Variants in EXT1 observed in about 807,000 individuals in gnomAD.
EXT1 encodes the protein exostosin-1.
In EXT1, 20 loss-of-function variants were observed where a neutral mutation model predicts 82.5. The observed-to-expected ratio is 0.24, with a 90% CI of 0.17 to 0.35. The LOEUF (loss-of-function observed/expected upper bound fraction) is 0.35, where lower values mean the gene tolerates loss of function less well. Ranked by LOEUF, EXT1 falls within the 10% of genes least tolerant of loss-of-function variation. The probability of loss-of-function intolerance (pLI) is 1.00; values close to 1 mark genes in which losing one functional copy is unlikely to be tolerated. For missense variants in EXT1, 757 were observed against 936.5 expected (o/e 0.81, Z 2.50); for synonymous variants, 348 against 350.8 (o/e 0.99, Z 0.09).
At chr8:117,840,644 C>T (rs945545237) in intron 1 of EXT1, among the ~76,000 whole-genome samples, 6 of 150,308 alleles carry the variant, frequency 4.0e-5, no homozygotes, top group African/African-American at 1.5e-4. Flanking sequence ...AAAGAGAGAA[C>T]GTATTTGCCA....
chr8:117,912,790 C>T (rs767574331), intron 1 of EXT1, among the ~76,000 whole-genome samples: 2 of 152,162 alleles, frequency 1.3e-5, no homozygotes, highest in Non-Finnish European at 2.9e-5. Flanking sequence ...TTTCTTCCCA[C>T]AATTTATGAA....
At chr8:117,827,787 A>C in intron 4 of EXT1, among the ~76,000 whole-genome samples, 1 of 74,322 alleles carries the variant, frequency 1.3e-5, no homozygotes, top group Non-Finnish European at 3.2e-5. Context: ...TCTGTCTCAA[A>C]AAAAAAAAAA....
chr8:117,931,560 G>A (rs759479461), intron 1 of EXT1, among the ~76,000 whole-genome samples: 3 of 152,010 alleles, frequency 2.0e-5, no homozygotes, highest in South Asian at 2.1e-4. Flanking sequence ...ACACCTAGGC[G>A]TGGTTATTGG....
In EXT1 at chr8:117,797,186, T is replaced by C. The variant is rs1823099842; in HGVS notation, c.*2526A>G. 2 of 152,262 alleles carry C rather than the reference T, an allele frequency of 1.3e-5. No homozygotes were observed. The highest frequency in any genetic ancestry group is 6.5e-5 in the Admixed American group (1 of 15,286). The allele number at this position is 152,262 out of a possible 1,614,324, so 9.4% of individuals were successfully genotyped here. A position where few individuals can be genotyped will look rare whatever the true frequency, so the allele number is the denominator to read the frequency against. ...TAACTGAATTAAAATTACATATTAC[T>C]GTCGAGCTTCACTGATTTGTTAAGC... On this transcript the variant is annotated 3_prime_UTR_variant, in exon 11 of 11. Coordinates refer to ENST00000378204, the MANE Select transcript of EXT1 (RefSeq NM_000127.3).
chr8:117,808,033 C>T (rs952096478), intron 8 of EXT1, among the ~76,000 whole-genome samples: 1 of 152,124 alleles, frequency 6.6e-6, no homozygotes, highest in African/African-American at 2.4e-5. Context: ...ACTGAAGCCA[C>T]AGAATTATTT....
Position 118,111,464 on chromosome 8 carries a change from G to T in EXT1, c.-418C>A. The T allele has an allele frequency of 1.9e-6, 1 of 535,362 alleles. No homozygotes were observed. Among genetic ancestry groups the T allele is most frequent in the East Asian group, 3.0e-5 (1 of 33,886 alleles). 33.2% of individuals were successfully genotyped at this position (535,362 alleles called of 1,614,324 possible). On this transcript the variant is annotated 5_prime_UTR_variant, in exon 1 of 11. Transcript: ENST00000378204. ...TTCCTCTCGGCAGCGTGGAAAATGA[G>T]CCCCGGGAAGGCAACTTCAACTCAT...
intron 4 of EXT1, among the ~76,000 whole-genome samples, chr8:117,829,569 C>CTTTTTT (rs35823668): frequency 0.012 from 1,123 of 96,730 alleles, 9 homozygotes; most frequent in Non-Finnish European, 0.018. Flanking sequence ...ATATATTTTT[C>CTTTTTT]TTTTTTTTTT....
rs117513165 is a variant in EXT1 at position 117,940,875 on chromosome 8, G to A, written c.963-103674C>T. On this transcript the variant is annotated intron_variant, in intron 1 of 10. Transcript: ENST00000378204. ...CCTAGGCTGCTGGGATCTTGCAGGG[G>A]AAATGCCTGGGTAATTACCTACCCC... 1.3e-3 allele frequency among the ~76,000 whole-genome samples: 194 copies of A among 152,228 alleles called. 3 individuals carry two copies. The East Asian group carries it at 0.032, about 25-fold the overall frequency.
At position 117,794,635 on chromosome 8, in the gene EXT1, T is replaced by C. The variant is rs1192950026; in HGVS notation, c.*5077A>G. 1 of 152,090 alleles carries C rather than the reference T, an allele frequency of 6.6e-6. No homozygotes were observed. Among genetic ancestry groups the C allele is most frequent in the Non-Finnish European group, 1.5e-5 (1 of 68,032 alleles). 9.4% of individuals were successfully genotyped at this position (152,090 alleles called of 1,614,324 possible). A position where few individuals can be genotyped will look rare whatever the true frequency, so the allele number is the denominator to read the frequency against. On this transcript the variant is annotated 3_prime_UTR_variant, in exon 11 of 11. Coordinates refer to ENST00000378204, the MANE Select transcript of EXT1 (RefSeq NM_000127.3). ...AAGTTACACAGGTCAGTGAAGTAAA[T>C]CAATATCTATGGCTTTGTATTTTCT... is the stretch of plus-strand genomic sequence containing the variant.
chr8:117,953,599 G>A (rs773006107), intron 1 of EXT1, among the ~76,000 whole-genome samples: 1 of 151,970 alleles, frequency 6.6e-6, no homozygotes, highest in Admixed American at 6.6e-5. Context: ...AAATTACTGA[G>A]AGTGAATGAT....
chr8:117,914,812 T>C (rs1813716393), intron 1 of EXT1, among the ~76,000 whole-genome samples: 1 of 152,210 alleles, frequency 6.6e-6, no homozygotes, highest in South Asian at 2.1e-4. Context: ...AGACAATACG[T>C]GCACCGCTGA....
At chr8:117,918,261 A>C (rs1028867713) in intron 1 of EXT1, among the ~76,000 whole-genome samples, 5 of 152,184 alleles carry the variant, frequency 3.3e-5, no homozygotes, top group African/African-American at 2.4e-5. Context: ...AACAATAGTG[A>C]GCTTCTGCGC....
intron 1 of EXT1, among the ~76,000 whole-genome samples, chr8:118,041,911 G>A (rs1207021926): frequency 6.7e-6 from 1 of 149,480 alleles, no homozygotes; most frequent in Non-Finnish European, 1.5e-5. Flanking sequence ...TCACGCCACT[G>A]CATTCCAGCC....
intron 1 of EXT1, among the ~76,000 whole-genome samples, chr8:118,046,081 C>T (rs1816617554): frequency 6.6e-6 from 1 of 151,986 alleles, no homozygotes; most frequent in Admixed American, 6.6e-5. Context: ...CAGGCATGAG[C>T]CACCGTGCCC....
intron 1 of EXT1, among the ~76,000 whole-genome samples, chr8:118,061,153 C>T (rs1435400747): frequency 6.6e-6 from 1 of 152,204 alleles, no homozygotes; most frequent in Non-Finnish European, 1.5e-5. Flanking sequence ...CTTATTAGGG[C>T]ACCATAGTGA....
chr8:117,892,526 A>C (rs1273923341), intron 1 of EXT1, among the ~76,000 whole-genome samples: 1 of 152,198 alleles, frequency 6.6e-6, no homozygotes, highest in African/African-American at 2.4e-5. Context: ...TGTATGTCAC[A>C]GTGAGGAATA....
intron 1 of EXT1, among the ~76,000 whole-genome samples, chr8:117,986,628 G>T (rs371864889): frequency 1.2e-3 from 189 of 152,274 alleles, no homozygotes; most frequent in African/African-American, 4.0e-3. Context: ...ATAAAGAGAG[G>T]AACTTCAAAT....
At chr8:117,965,171 C>T (rs1286567534) in intron 1 of EXT1, among the ~76,000 whole-genome samples, 2 of 151,744 alleles carry the variant, frequency 1.3e-5, no homozygotes, top group African/African-American at 4.8e-5. Flanking sequence ...AAGACACAAC[C>T]AGCGTATCCT....
rs12682655 is a variant in EXT1, at chr8:117,866,035, G to A, written c.963-28834C>T. On this transcript the variant is annotated intron_variant, in intron 1 of 10. Transcript: ENST00000378204. ...AGGTCAGGAGTTTGAGACCAGCCTG[G>A]CCAACATGGTGAAACCCCATCTCTA... Among the ~76,000 whole-genome samples the A allele has an allele frequency of 1.7e-3, 254 of 152,204 alleles. 3 individuals are homozygous for A. The East Asian group carries it at 0.044, about 26-fold the overall frequency.
Sources: gnomAD v4.1 joint callset for allele counts (sites outside exome capture counted in the v4.1 genomes callset) on GRCh38, gnomAD v4.1.1 for gene constraint, MANE v1.5 for transcripts, NCBI Gene and HGNC (gene_info 2026-07-23, HGNC 2026-07-21) for gene names.